Variants in RGL1 observed in about 807,000 individuals in gnomAD.
RGL1 encodes ral guanine nucleotide dissociation stimulator-like 1.
In RGL1, 24 loss-of-function variants were observed where a neutral mutation model predicts 95.2. The ratio of observed to expected loss-of-function variants is 0.25; its 90% CI spans 0.18 to 0.35. RGL1 has a LOEUF of 0.35. Ranked by LOEUF, RGL1 falls within the 10% of genes least tolerant of loss-of-function variation. The probability of loss-of-function intolerance (pLI) is 1.00; values close to 1 mark genes in which losing one functional copy is unlikely to be tolerated. For missense variants in RGL1, 715 were observed against 936.3 expected (o/e 0.76, Z 3.08); for synonymous variants, 329 against 344.9 (o/e 0.95, Z 0.51).
chr1:183,868,773 T>C (rs1327101080), intron 4 of RGL1, among the ~76,000 whole-genome samples: 1 of 152,198 alleles, frequency 6.6e-6, no homozygotes, highest in East Asian at 1.9e-4. Flanking sequence ...AATCTAGAGC[T>C]GCCATTCAAT....
intron 1 of RGL1, among the ~76,000 whole-genome samples, chr1:183,686,932 A>C (rs1572276261): frequency 6.6e-6 from 1 of 152,152 alleles, no homozygotes; most frequent in South Asian, 2.1e-4. Context: ...CATTTTAGCT[A>C]TTGGCATCAT....
intron 1 of RGL1, among the ~76,000 whole-genome samples, chr1:183,688,519 G>T (rs1653755937): frequency 6.6e-6 from 1 of 151,958 alleles, no homozygotes; most frequent in African/African-American, 2.4e-5. Context: ...TACAGGCTCA[G>T]GTCTCTGAAA....
intron 2 of RGL1, chr1:183,742,359 G>C (rs542705616): frequency 1.9e-4 from 293 of 1,580,130 alleles, no homozygotes; most frequent in Non-Finnish European, 2.4e-4. Context: ...ATAATTCTTC[G>C]TGTAGCCAGC....
At chr1:183,881,823 C>A (rs1179001232) in intron 5 of RGL1, among the ~76,000 whole-genome samples, 1 of 152,252 alleles carries the variant, frequency 6.6e-6, no homozygotes, top group Non-Finnish European at 1.5e-5. Context: ...ACTTCATCTG[C>A]CAGGAATGTT....
chr1:183,707,737 ACTGGGAAGATGGCAG>A (rs766542724), intron 1 of RGL1, among the ~76,000 whole-genome samples: 2 of 151,940 alleles, frequency 1.3e-5, no homozygotes, highest in Admixed American at 6.5e-5. Flanking sequence ...AATACAGCTG[ACTGGGAAGATGGCAG>A]CTGGGAAGAT....
At chr1:183,757,137 G>A (rs1055929218) in intron 2 of RGL1, among the ~76,000 whole-genome samples, 5 of 152,136 alleles carry the variant, frequency 3.3e-5, no homozygotes, top group African/African-American at 9.6e-5. Flanking sequence ...GTTCTCTATG[G>A]CTATCGAACA....
intron 1 of RGL1, among the ~76,000 whole-genome samples, chr1:183,692,242 G>A (rs968750595): frequency 6.6e-5 from 10 of 152,232 alleles, no homozygotes; most frequent in African/African-American, 2.2e-4. Flanking sequence ...ATGAGAAAGT[G>A]TATTGGCCTC....
chr1:183,924,215 G>C (rs566213127), intron 17 of RGL1, among the ~76,000 whole-genome samples: 1 of 152,052 alleles, frequency 6.6e-6, no homozygotes, highest in Non-Finnish European at 1.5e-5. Flanking sequence ...TGGAACCAAC[G>C]CAAATGCCCA....
At chr1:183,842,804 A>G (rs1271121693) in intron 2 of RGL1, among the ~76,000 whole-genome samples, 1 of 152,208 alleles carries the variant, frequency 6.6e-6, no homozygotes, top group African/African-American at 2.4e-5. Context: ...TTCGTCTTCA[A>G]CTTAATAATT....
intron 10 of RGL1, among the ~76,000 whole-genome samples, 176 bp downstream of exon 10, chr1:183,898,073 T>C (rs545909678): frequency 1.3e-5 from 2 of 152,320 alleles, no homozygotes; most frequent in South Asian, 2.1e-4. Flanking sequence ...AGGAGAGAGA[T>C]GATTACCCTC....
chr1:183,742,390 A>T lies in RGL1; in HGVS notation c.132+101A>T, dbSNP rs1657367499. Reference sequence around the variant, plus strand: ...CCAGCACCACAGGCCAGCTTGGCAAATCTTTATTCAGGGGCTGTAGGCACA... The same window carrying T: ...CCAGCACCACAGGCCAGCTTGGCAATTCTTTATTCAGGGGCTGTAGGCACA... On this transcript the variant is annotated intron_variant, in intron 2 of 18. Transcript: ENST00000304685. 3 of 1,392,830 alleles carry T rather than the reference A, an allele frequency of 2.2e-6. No homozygotes were observed. In the East Asian group the frequency reaches 6.9e-5, roughly 32 times the overall value. 86.3% of individuals were successfully genotyped at this position (1,392,830 alleles called of 1,614,324 possible).
chr1:183,857,605 C>T (rs959029057), intron 3 of RGL1, among the ~76,000 whole-genome samples: 3 of 152,064 alleles, frequency 2.0e-5, no homozygotes, highest in East Asian at 1.9e-4. Context: ...GAAGCATGGC[C>T]GGAGCCAGAA....
intron 7 of RGL1, among the ~76,000 whole-genome samples, chr1:183,886,759 T>G (rs1046250902): frequency 6.6e-6 from 1 of 151,932 alleles, no homozygotes; most frequent in Non-Finnish European, 1.5e-5. Context: ...CTACCAAGAT[T>G]TATTTTACCT....
intron 2 of RGL1, among the ~76,000 whole-genome samples, chr1:183,824,354 C>A (rs1662707894): frequency 6.6e-6 from 1 of 152,172 alleles, no homozygotes; most frequent in South Asian, 2.1e-4. Context: ...GACATGAAAT[C>A]ACTTGAAGGG....
At chr1:183,689,951 T>C (rs1653845346) in intron 1 of RGL1, among the ~76,000 whole-genome samples, 1 of 152,236 alleles carries the variant, frequency 6.6e-6, no homozygotes. Context: ...TTTACCTGTA[T>C]GAATCATCTA....
intron 1 of RGL1, among the ~76,000 whole-genome samples, chr1:183,715,309 C>G (rs1020463261): frequency 2.0e-5 from 3 of 152,160 alleles, no homozygotes; most frequent in Non-Finnish European, 2.9e-5. Context: ...AGTCCACCCC[C>G]TTTCCTCCCT....
chr1:183,828,805 G>T (rs976109197), intron 2 of RGL1, among the ~76,000 whole-genome samples: 2 of 152,156 alleles, frequency 1.3e-5, no homozygotes, highest in Non-Finnish European at 2.9e-5. Flanking sequence ...CTCCAGTCAG[G>T]AACAAGTTAA....
intron 2 of RGL1, among the ~76,000 whole-genome samples, chr1:183,796,495 C>G (rs866005948): frequency 2.0e-5 from 3 of 151,964 alleles, no homozygotes; most frequent in Middle Eastern, 3.2e-3. Context: ...ACGTTGTGCA[C>G]GTGTACCCTA....
At chr1:183,814,303 GC>G in intron 2 of RGL1, among the ~76,000 whole-genome samples, 1 of 152,140 alleles carries the variant, frequency 6.6e-6, no homozygotes, top group African/African-American at 2.4e-5. Flanking sequence ...GTTTCCCAAT[GC>G]TTTGGGCCTC....
Sources: allele counts gnomAD v4.1 joint callset (sites outside exome capture counted in the v4.1 genomes callset), GRCh38; gene constraint gnomAD v4.1.1; transcripts MANE v1.5; gene names NCBI Gene and HGNC (gene_info 2026-07-23, HGNC 2026-07-21).